Variants in AGO4 observed in about 807,000 individuals in gnomAD.
AGO4 encodes argonaute RISC component 4.
A neutral mutation model predicts 104.7 loss-of-function variants in AGO4; 33 were observed. The ratio of observed to expected loss-of-function variants is 0.32; its 90% CI spans 0.24 to 0.42. The LOEUF (loss-of-function observed/expected upper bound fraction) is 0.42, where lower values mean the gene tolerates loss of function less well. AGO4 is among the 10% of genes least tolerant of loss of function. The pLI is 1.00. For synonymous variants in AGO4, 331 were observed against 364.7 expected, an observed-to-expected ratio of 0.91 and a Z score of 1.05; for missense variants, 711 against 1,083.4, an observed-to-expected ratio of 0.66 and a Z score of 4.83.
intron 12 of AGO4, 118 bp downstream of exon 12, chr1:35,834,292 A>G (rs1267986762): frequency 2.1e-6 from 2 of 943,210 alleles, no homozygotes; most frequent in Admixed American, 7.0e-5. Context: ...CACAACAACA[A>G]AGATTTGTTT....
chr1:35,849,964 T>A (rs984346999), intron 15 of AGO4, among the ~76,000 whole-genome samples, 193 bp from the exon 16 acceptor site: 1 of 152,152 alleles, frequency 6.6e-6, no homozygotes, highest in Non-Finnish European at 1.5e-5. Flanking sequence ...ACATATTTGT[T>A]TGTGAAAATA....
rs1357723692 is a variant in AGO4, at chr1:35,857,083, A to G, written c.*3478A>G. ...TTTTAGGATCTGGTGCCCAGCCTCT[A>G]TCAGAGCTTGCCTACCTGGCAAAGC... On this transcript the variant is annotated 3_prime_UTR_variant, in exon 18 of 18. Transcript: ENST00000373210. 3.3e-5 allele frequency: 5 copies of G among 152,228 alleles called. No homozygotes were observed. The highest frequency in any genetic ancestry group is 6.5e-5 in the Admixed American group (1 of 15,282). The allele number at this position is 152,228 out of a possible 1,614,324, so 9.4% of individuals were successfully genotyped here.
rs1158006720 is a variant in AGO4 at position 35,814,085 on chromosome 1, AAG to A, written c.20-2789_20-2788del. Among the ~76,000 whole-genome samples, 29 of 151,880 alleles carry A rather than the reference AAG, an allele frequency of 1.9e-4. No homozygotes were observed. In the South Asian group the frequency reaches 5.0e-3, roughly 26 times the overall value. On this transcript the variant is annotated intron_variant, in intron 1 of 17. Coordinates refer to ENST00000373210, the MANE Select transcript of AGO4 (RefSeq NM_017629.4). ...GTGAGACTCCATCTCAAAAAAAAAA[AAG>A]AGAGAGAAAGAGAAAGAAGAGAGAG...
intron 7 of AGO4, among the ~76,000 whole-genome samples, chr1:35,830,842 C>T (rs1644164025): frequency 6.6e-6 from 1 of 151,674 alleles, no homozygotes; most frequent in Non-Finnish European, 1.5e-5. Context: ...GGTGGTGGCG[C>T]GCACTTGTAA....
Position 35,854,159 on chromosome 1 carries a change from G to A in AGO4, c.*554G>A, listed in dbSNP as rs1485972509. Reference sequence around the variant, plus strand: ...TTGAAAGTTTTACAGAGTTTTATTAGTTTTACTACTTTATCTTATTGATCT... The same window carrying A: ...TTGAAAGTTTTACAGAGTTTTATTAATTTTACTACTTTATCTTATTGATCT... On this transcript the variant is annotated 3_prime_UTR_variant, in exon 18 of 18. Coordinates refer to ENST00000373210, the MANE Select transcript of AGO4 (RefSeq NM_017629.4). 2 of 152,408 alleles carry A rather than the reference G, an allele frequency of 1.3e-5. No individual in the cohort carries two copies. The highest frequency in any genetic ancestry group is 3.8e-4 in the East Asian group (2 of 5,202). 9.4% of individuals were successfully genotyped at this position (152,408 alleles called of 1,614,324 possible). A position where few individuals can be genotyped will look rare whatever the true frequency, so the allele number is the denominator to read the frequency against.
rs557633754 is a variant in AGO4, at chr1:35,808,691, C to T, written c.19+256C>T. Among the ~76,000 whole-genome samples, 85 of 152,248 alleles carry T rather than the reference C, an allele frequency of 5.6e-4. No individual in the cohort carries two copies. Among genetic ancestry groups the T allele is most frequent in the Non-Finnish European group, 1.0e-3 (69 of 68,010 alleles). ...GGTGACCGGCGCTGCCGGGCGGAGG[C>T]CACTCTTGGCCCCACCTCGGGGAGA... On this transcript the variant is annotated intron_variant, in intron 1 of 17. Coordinates refer to ENST00000373210, the MANE Select transcript of AGO4 (RefSeq NM_017629.4). This position sits in a 1 kb window ranked among gnomAD's most constrained non-coding sequence, Gnocchi z 5.2.
At chr1:35,844,750 G>A (rs180811921) in intron 15 of AGO4, among the ~76,000 whole-genome samples, 272 of 152,220 alleles carry the variant, frequency 1.8e-3, no homozygotes, top group Non-Finnish European at 2.7e-3. Flanking sequence ...ACTCTTTCGT[G>A]TTCTGTTGCC....
At chr1:35,812,637 G>C (rs538260092) in intron 1 of AGO4, among the ~76,000 whole-genome samples, 1 of 151,608 alleles carries the variant, frequency 6.6e-6, no homozygotes, top group Non-Finnish European at 1.5e-5. Context: ...TGTCACCCTT[G>C]CTGGATTGCA....
intron 15 of AGO4, among the ~76,000 whole-genome samples, chr1:35,848,567 A>G (rs957767155): frequency 2.6e-5 from 4 of 151,558 alleles, no homozygotes; most frequent in African/African-American, 9.7e-5. Context: ...TAACTGGTGA[A>G]TTGAAAAGGC....
At position 35,818,713 on chromosome 1, in the gene AGO4, A is replaced by C. The variant is rs146668617; in HGVS notation, c.185+1666A>C. On this transcript the variant is annotated intron_variant, in intron 2 of 17. Coordinates refer to ENST00000373210, the MANE Select transcript of AGO4 (RefSeq NM_017629.4). Reference sequence around the variant, plus strand: ...AGGAAGGAAGGAAGGAAAGAAACAAACAGCAGATAATTCTGGATTGCTGGA... The same window carrying C: ...AGGAAGGAAGGAAGGAAAGAAACAACCAGCAGATAATTCTGGATTGCTGGA... 1.4e-3 allele frequency among the ~76,000 whole-genome samples: 196 copies of C among 142,964 alleles called. 2 individuals are homozygous for C. Among genetic ancestry groups the C allele is most frequent in the African/African-American group, 5.3e-3 (190 of 36,038 alleles). 93.8% of individuals were successfully genotyped at this position (142,964 alleles called of 152,430 possible).
intron 13 of AGO4, among the ~76,000 whole-genome samples, chr1:35,836,302 G>A (rs552736836): frequency 2.0e-5 from 3 of 152,262 alleles, no homozygotes; most frequent in South Asian, 2.1e-4. Context: ...TTTTGTGTTG[G>A]TCTTCTTTTG....
chr1:35,850,893 G>A lies in AGO4; in HGVS notation c.2317G>A (p.Asp773Asn), dbSNP rs1267282499. Residue 773 changes from aspartate to asparagine, a missense_variant, in exon 17 of 18, where the codon GAC becomes AAC. Around this residue, in one of 3 missense-constraint regions of AGO4, gnomAD observed 401 missense variants for 665.5 expected, o/e 0.60. Transcript: ENST00000373210. ...RPSHYQVLWD[D>N]NCFTADELQL... ...CTCACATTACCAGGTCTTGTGGGAT[G>A]ACAACTGCTTCACTGCAGATGAACT... The A allele has an allele frequency of 6.2e-7, 1 of 1,611,754 alleles. No individual in the cohort carries two copies. Among genetic ancestry groups the A allele is most frequent in the Non-Finnish European group, 8.5e-7 (1 of 1,179,338 alleles).
chr1:35,834,669 T>C (rs1346403736), intron 12 of AGO4, among the ~76,000 whole-genome samples: 1 of 152,214 alleles, frequency 6.6e-6, no homozygotes, highest in Non-Finnish European at 1.5e-5. Context: ...AAAGTTATTT[T>C]GGCTATCATT....
intron 11 of AGO4, 104 bp downstream of exon 11, chr1:35,832,674 C>A: frequency 7.3e-7 from 1 of 1,371,392 alleles, no homozygotes; most frequent in Non-Finnish European, 9.7e-7. Context: ...CCCTGACTCC[C>A]ATAGTGACAC....
At chr1:35,826,208 A>T in intron 6 of AGO4, 148 bp downstream of exon 6, 1 of 914,410 alleles carries the variant, frequency 1.1e-6, no homozygotes, top group Non-Finnish European at 1.6e-6. Flanking sequence ...ACCACTGTGA[A>T]CCTTAGTGTA....
chr1:35,817,085 T>G, intron 2 of AGO4, 38 bp downstream of exon 2: 1 of 1,532,512 alleles, frequency 6.5e-7, no homozygotes, highest in Non-Finnish European at 8.8e-7. Flanking sequence ...TATATTTAAG[T>G]GCATATAATT....
intron 1 of AGO4, among the ~76,000 whole-genome samples, chr1:35,812,952 G>A (rs926719570): frequency 5.3e-5 from 8 of 152,034 alleles, no homozygotes; most frequent in Non-Finnish European, 5.9e-5. Context: ...ATGCAGAGTT[G>A]ACTTATTTTT....
chr1:35,832,874 A>G (rs1261991254), intron 11 of AGO4, among the ~76,000 whole-genome samples: 1 of 152,220 alleles, frequency 6.6e-6, no homozygotes, highest in East Asian at 1.9e-4. Flanking sequence ...CTTTTCAGCC[A>G]AGATCAAAAA....
chr1:35,837,283 C>T (rs1417054105), intron 13 of AGO4, among the ~76,000 whole-genome samples: 2 of 151,934 alleles, frequency 1.3e-5, no homozygotes, highest in Non-Finnish European at 2.9e-5. Flanking sequence ...AGGGTTTCAC[C>T]ATGTTGGCCA....
Sources: gnomAD v4.1 joint callset for allele counts (sites outside exome capture counted in the v4.1 genomes callset) on GRCh38, gnomAD v4.1.1 for gene constraint, gnomAD v4.1.1 regional missense constraint, Gnocchi (gnomAD v3.1) non-coding constraint, MANE v1.5 for transcripts, NCBI Gene and HGNC (gene_info 2026-07-23, HGNC 2026-07-21) for gene names.